Variants in NDUFAF6 observed in about 807,000 individuals in gnomAD.
NDUFAF6 encodes NADH dehydrogenase (ubiquinone) complex I, assembly factor 6.
NDUFAF6 carries 45 observed loss-of-function variants against 40.8 expected under a neutral mutation model. The ratio of observed to expected loss-of-function variants is 1.10; its 90% CI spans 0.87 to 1.42. The LOEUF is 1.42. NDUFAF6 is among the 40% of genes most tolerant of loss of function. The probability of loss-of-function intolerance (pLI) is 0.00; values close to 1 mark genes in which losing one functional copy is unlikely to be tolerated. For missense variants in NDUFAF6, 435 were observed against 418.5 expected, an observed-to-expected ratio of 1.04 and a Z score of -0.34; for synonymous variants, 185 against 155.9, an observed-to-expected ratio of 1.19 and a Z score of -1.39.
intron 2 of NDUFAF6, among the ~76,000 whole-genome samples, chr8:94,948,587 G>A (rs1822225919): frequency 6.6e-6 from 1 of 152,174 alleles, no homozygotes; most frequent in South Asian, 2.1e-4. Context: ...CAGGGCCTCC[G>A]GAACTCGGAG....
intron 1 of NDUFAF6, among the ~76,000 whole-genome samples, chr8:94,943,486 C>CA (rs923821671): frequency 2.6e-5 from 4 of 151,802 alleles, no homozygotes; most frequent in Non-Finnish European, 2.9e-5. Flanking sequence ...GACCTTGTCT[C>CA]AAAAAAAAGT....
At chr8:95,118,303 A>G (rs1196399680), downstream of NDUFAF6, among the ~76,000 whole-genome samples, 2 of 152,204 alleles carry the variant, frequency 1.3e-5, no homozygotes. Context: ...CCTTGCTGCC[A>G]TATTCTGTTG....
At chr8:95,018,971 T>C (rs1192545724) in intron 2 of NDUFAF6, among the ~76,000 whole-genome samples, 1 of 152,176 alleles carries the variant, frequency 6.6e-6, no homozygotes, top group Non-Finnish European at 1.5e-5. Context: ...ATGTTGAAAA[T>C]GACATTATCA....
intron 2 of NDUFAF6, among the ~76,000 whole-genome samples, chr8:95,013,395 T>A (rs2131677667): frequency 6.6e-6 from 1 of 152,370 alleles, no homozygotes; most frequent in South Asian, 2.1e-4. Context: ...TGTGAGCTAC[T>A]GCTCCCACAC....
At chr8:95,112,047 A>G (rs149639067) in intron 4 of NDUFAF6, among the ~76,000 whole-genome samples, 10 of 152,216 alleles carry the variant, frequency 6.6e-5, no homozygotes, top group African/African-American at 2.2e-4. Context: ...GCTTCCAACT[A>G]TGGCGGACAG....
Position 95,017,354 on chromosome 8 carries a change from G to A in NDUFAF6, c.-83-14641G>A, listed in dbSNP as rs112666312. Among the ~76,000 whole-genome samples the A allele has an allele frequency of 7.0e-3, 1,069 of 152,116 alleles. 19 individuals carry two copies. The highest frequency in any genetic ancestry group is 0.034 in the Middle Eastern group (10 of 294). On this transcript the variant is annotated intron_variant, in intron 2 of 9. Transcript: ENST00000396111. ...GTCATGGAGACAACCTTACAGGAAGGGAACAAGGGGATTAAGCAACCTGAC... is the reference window on the plus strand; with the variant it reads ...GTCATGGAGACAACCTTACAGGAAGAGAACAAGGGGATTAAGCAACCTGAC...
intron 2 of NDUFAF6, among the ~76,000 whole-genome samples, chr8:95,090,003 C>A (rs1809196598): frequency 6.6e-6 from 1 of 152,160 alleles, no homozygotes; most frequent in Non-Finnish European, 1.5e-5. Context: ...TCCTTCCAAG[C>A]CCCTCCTCCA....
chr8:95,024,979 G>A (rs770330438), upstream of NDUFAF6: 12 of 1,298,714 alleles, frequency 9.2e-6, no homozygotes, highest in South Asian at 1.5e-4. Flanking sequence ...GCCGACGGCG[G>A]GGGGTCGAAG....
intron 1 of NDUFAF6, among the ~76,000 whole-genome samples, chr8:94,964,529 G>T (rs186889058): frequency 6.6e-6 from 1 of 151,950 alleles, no homozygotes; most frequent in South Asian, 2.1e-4. Context: ...TAAGAAGCAC[G>T]GCACCAACAT....
chr8:95,077,810 A>T (rs149923870), downstream of NDUFAF6, among the ~76,000 whole-genome samples: 113 of 152,252 alleles, frequency 7.4e-4, no homozygotes, highest in African/African-American at 2.6e-3. Flanking sequence ...TGCAAGGGTG[A>T]CCAGAAGCAA....
chr8:94,906,261 G>A (rs1818385356), intron 1 of NDUFAF6, among the ~76,000 whole-genome samples: 1 of 152,126 alleles, frequency 6.6e-6, no homozygotes, highest in Admixed American at 6.5e-5. Flanking sequence ...CACTGCTCCA[G>A]CTGAACTAAT....
In NDUFAF6 at chr8:95,058,060, G is replaced by T; in HGVS notation, c.*123G>T. ...ATGAATTTATTGAATGGGATGTCAA[G>T]TAGCTCACAAAATTGAGAAGTTGCC... On this transcript the variant is annotated 3_prime_UTR_variant, in exon 9 of 9. Transcript: ENST00000396124. The T allele has an allele frequency of 6.8e-7, 1 of 1,475,552 alleles. No individual in the cohort carries two copies. The highest frequency in any genetic ancestry group is 8.9e-7 in the Non-Finnish European group (1 of 1,121,486). The allele number at this position is 1,475,552 out of a possible 1,614,324, so 91.4% of individuals were successfully genotyped here. A position where few individuals can be genotyped will look rare whatever the true frequency, so the allele number is the denominator to read the frequency against.
At chr8:94,940,239 T>A in intron 1 of NDUFAF6, 12 of 1,587,470 alleles carry the variant, frequency 7.6e-6, no homozygotes, top group Non-Finnish European at 1.0e-5. Flanking sequence ...TAGTCCACAT[T>A]GCAGTCCACA....
chr8:94,960,009 G>A (rs1383308454), intron 1 of NDUFAF6, among the ~76,000 whole-genome samples: 6 of 152,154 alleles, frequency 3.9e-5, no homozygotes, highest in Non-Finnish European at 5.9e-5. Flanking sequence ...TTGCATGTCC[G>A]AGTCCAGATG....
chr8:94,990,197 C>T (rs1382253998), intron 2 of NDUFAF6, among the ~76,000 whole-genome samples: 1 of 152,166 alleles, frequency 6.6e-6, no homozygotes, highest in Non-Finnish European at 1.5e-5. Flanking sequence ...GCTGAGAGGT[C>T]TGCTTTGCTG....
At chr8:94,961,084 T>G (rs1823530846) in intron 1 of NDUFAF6, among the ~76,000 whole-genome samples, 2 of 152,236 alleles carry the variant, frequency 1.3e-5, no homozygotes, top group African/African-American at 4.8e-5. Context: ...ACTATCATTC[T>G]TTTGGAATTT....
upstream of NDUFAF6, among the ~76,000 whole-genome samples, chr8:95,024,304 T>C (rs1220396403): frequency 1.3e-5 from 2 of 152,186 alleles, no homozygotes; most frequent in Non-Finnish European, 2.9e-5. Context: ...GTGACAGCCA[T>C]TGGGGTAAAG....
At chr8:94,970,413 A>G (rs1388367064) in intron 1 of NDUFAF6, among the ~76,000 whole-genome samples, 2 of 152,132 alleles carry the variant, frequency 1.3e-5, no homozygotes, top group African/African-American at 2.4e-5. Context: ...GCTAGTCACA[A>G]TTCTGTTTAT....
chr8:94,961,990 C>T (rs1166647708), intron 1 of NDUFAF6, among the ~76,000 whole-genome samples: 3 of 152,202 alleles, frequency 2.0e-5, no homozygotes, highest in Non-Finnish European at 2.9e-5. Flanking sequence ...TTTTCTCATT[C>T]ACACCCACAC....
Sources: gnomAD v4.1 joint callset for allele counts (sites outside exome capture counted in the v4.1 genomes callset) on GRCh38, gnomAD v4.1.1 for gene constraint, MANE v1.5 for transcripts, NCBI Gene and HGNC (gene_info 2026-07-23, HGNC 2026-07-21) for gene names.